The following TMEM161B variants were observed in gnomAD, a reference collection of about 807,000 sequenced individuals.
TMEM161B encodes transmembrane protein 161B.
TMEM161B carries 34 observed loss-of-function variants against 61.8 expected under a neutral mutation model. That is an observed-to-expected ratio of 0.55 (90% CI 0.42 to 0.73). The LOEUF (loss-of-function observed/expected upper bound fraction) is 0.73, where lower values mean the gene tolerates loss of function less well. Among genes scored for constraint, TMEM161B ranks in the 30% least tolerant of loss-of-function variants. The probability of loss-of-function intolerance (pLI) is 0.00; values close to 1 mark genes in which losing one functional copy is unlikely to be tolerated. For missense variants in TMEM161B, 456 were observed against 558.5 expected, an observed-to-expected ratio of 0.82 and a Z score of 1.85; for synonymous variants, 167 against 192.8, an observed-to-expected ratio of 0.87 and a Z score of 1.11.
chr5:88,257,321 C>T (rs1897118), intron 1 of TMEM161B, among the ~76,000 whole-genome samples: 68 of 152,092 alleles, frequency 4.5e-4, no homozygotes, highest in Middle Eastern at 3.4e-3. Flanking sequence ...TTTTAACAAA[C>T]TAAAAATCAA....
chr5:88,267,055 A>C (rs1046097097), intron 1 of TMEM161B, among the ~76,000 whole-genome samples: 4 of 152,252 alleles, frequency 2.6e-5, no homozygotes, highest in African/African-American at 9.6e-5. Context: ...GATGAACTTA[A>C]GTATTTTAAT....
chr5:88,191,789 C>T (rs1748898089), downstream of TMEM161B, among the ~76,000 whole-genome samples: 1 of 150,786 alleles, frequency 6.6e-6, no homozygotes, highest in African/African-American at 2.4e-5. Context: ...AACCCCGTCT[C>T]TATTAAAAAT....
At chr5:88,224,959 G>GTTTTTTTTTTT (rs202011902) in intron 4 of TMEM161B, among the ~76,000 whole-genome samples, 2 of 101,218 alleles carry the variant, frequency 2.0e-5, no homozygotes, top group Non-Finnish European at 3.8e-5. Flanking sequence ...CACAAAATAT[G>GTTTTTTTTTTT]TTTTTGTTTT....
At chr5:88,205,158 C>A (rs1197844470) in intron 8 of TMEM161B, among the ~76,000 whole-genome samples, 2 of 152,046 alleles carry the variant, frequency 1.3e-5, no homozygotes, top group Non-Finnish European at 1.5e-5. Context: ...CTGTGACAAG[C>A]ACAAAGAATA....
chr5:88,225,025 T>A (rs1749778630), intron 4 of TMEM161B, among the ~76,000 whole-genome samples: 1 of 135,452 alleles, frequency 7.4e-6, no homozygotes, highest in Non-Finnish European at 1.5e-5. Context: ...TGGAGTGCGG[T>A]GGTGCGATCT....
chr5:88,261,250 C>T (rs995065734), intron 1 of TMEM161B, among the ~76,000 whole-genome samples: 4 of 151,948 alleles, frequency 2.6e-5, no homozygotes, highest in African/African-American at 9.7e-5. Context: ...AACTACAAAA[C>T]TCTGATAACT....
chr5:88,253,214 T>A (rs1461571118), intron 1 of TMEM161B, among the ~76,000 whole-genome samples: 2 of 152,160 alleles, frequency 1.3e-5, no homozygotes, highest in African/African-American at 4.8e-5. Flanking sequence ...TACAATCTAG[T>A]CTACCATGGG....
At chr5:88,228,185 C>T (rs1257296233) in intron 3 of TMEM161B, among the ~76,000 whole-genome samples, 1 of 152,146 alleles carries the variant, frequency 6.6e-6, no homozygotes, top group Non-Finnish European at 1.5e-5. Flanking sequence ...AGTCTCTCCC[C>T]AGTCAACCCC....
At chr5:88,221,075 A>G (rs1442486288) in intron 4 of TMEM161B, among the ~76,000 whole-genome samples, 1 of 152,204 alleles carries the variant, frequency 6.6e-6, no homozygotes, top group East Asian at 1.9e-4. Flanking sequence ...ATATCTAGCT[A>G]TGATACCTTA....
At chr5:88,259,137 C>T (rs886304476) in intron 1 of TMEM161B, 3 of 152,086 alleles carry the variant, frequency 2.0e-5, no homozygotes, top group Admixed American at 6.6e-5. Context: ...CTTCACAATC[C>T]GAACCTCTCT....
chr5:88,255,296 T>C (rs1184119188), intron 1 of TMEM161B, among the ~76,000 whole-genome samples: 3 of 152,194 alleles, frequency 2.0e-5, no homozygotes, highest in Non-Finnish European at 2.9e-5. Flanking sequence ...CAGACTTCCT[T>C]CCCATAGAGC....
At chr5:88,250,465 C>T (rs898785982) in intron 1 of TMEM161B, among the ~76,000 whole-genome samples, 5 of 152,120 alleles carry the variant, frequency 3.3e-5, no homozygotes, top group African/African-American at 4.8e-5. Context: ...GACAAGAGGC[C>T]TCTCAGAACC....
At chr5:88,243,266 G>C (rs1288169377) in intron 1 of TMEM161B, among the ~76,000 whole-genome samples, 1 of 151,212 alleles carries the variant, frequency 6.6e-6, no homozygotes, top group Non-Finnish European at 1.5e-5. Flanking sequence ...GTAGGCCCTA[G>C]TGTATGTTGT....
intron 3 of TMEM161B, among the ~76,000 whole-genome samples, chr5:88,227,082 G>A (rs911626788): frequency 1.7e-4 from 26 of 151,954 alleles, no homozygotes; most frequent in African/African-American, 5.8e-4. Flanking sequence ...TCAGCTACTC[G>A]TGAGGCTGAG....
intron 1 of TMEM161B, among the ~76,000 whole-genome samples, chr5:88,243,626 T>G (rs2112673865): frequency 6.6e-6 from 1 of 152,034 alleles, no homozygotes; most frequent in Non-Finnish European, 1.5e-5. Flanking sequence ...ATGGGATTAC[T>G]GGGTCAAATG....
At chr5:88,242,302 T>A (rs1752873166) in intron 1 of TMEM161B, among the ~76,000 whole-genome samples, 1 of 151,724 alleles carries the variant, frequency 6.6e-6, no homozygotes, top group Non-Finnish European at 1.5e-5. Flanking sequence ...CTTGACAAAT[T>A]ATTTTTCCTC....
chr5:88,186,682 G>A (rs1164197980), downstream of TMEM161B, among the ~76,000 whole-genome samples: 1 of 151,824 alleles, frequency 6.6e-6, no homozygotes, highest in African/African-American at 2.4e-5. Context: ...GTAATCCCAG[G>A]AATTTGGGAG....
intron 4 of TMEM161B, among the ~76,000 whole-genome samples, chr5:88,224,049 C>T (rs753765998): frequency 6.6e-6 from 1 of 152,110 alleles, no homozygotes; most frequent in Non-Finnish European, 1.5e-5. Context: ...CTTTGTATCA[C>T]AAAATAATCC....
downstream of TMEM161B, among the ~76,000 whole-genome samples, chr5:88,192,360 T>C (rs1749043890): frequency 6.6e-6 from 1 of 152,054 alleles, no homozygotes; most frequent in Admixed American, 6.6e-5. Flanking sequence ...AGAAGACATA[T>C]ATGTAAAAAG....
Sources: allele counts gnomAD v4.1 joint callset (sites outside exome capture counted in the v4.1 genomes callset), GRCh38; gene constraint gnomAD v4.1.1; transcripts MANE v1.5; gene names NCBI Gene and HGNC (gene_info 2026-07-23, HGNC 2026-07-21).